Variants in AGMO observed in about 807,000 individuals in gnomAD.
AGMO encodes alkylglycerol monooxygenase, also known as glyceryl-ether monooxygenase.
Under a neutral mutation model 60.2 loss-of-function variants are expected in AGMO, and 75 were observed. That is an observed-to-expected ratio of 1.25 (90% CI 1.03 to 1.51). The LOEUF (loss-of-function observed/expected upper bound fraction) is 1.51, where lower values mean the gene tolerates loss of function less well. Ranked by LOEUF, AGMO falls within the 40% of genes most tolerant of loss-of-function variation. The pLI is 0.00. For synonymous variants in AGMO, 261 were observed against 177.1 expected (o/e 1.47, Z -3.76); for missense variants, 763 against 525.5 (o/e 1.45, Z -4.42).
chr7:15,209,191 CATAA>C (rs1396744830), intron 12 of AGMO, among the ~76,000 whole-genome samples: 4 of 152,126 alleles, frequency 2.6e-5, no homozygotes, highest in Non-Finnish European at 5.9e-5. Context: ...ATTTCTCTGA[CATAA>C]ATAAAGAGTC....
chr7:15,342,867 T>C (rs1164061902), intron 12 of AGMO, among the ~76,000 whole-genome samples: 1 of 150,414 alleles, frequency 6.6e-6, no homozygotes, highest in East Asian at 2.0e-4. Context: ...TCATTAATTC[T>C]CTGGGCCTCA....
chr7:15,380,274 C>T (rs1783623983), intron 10 of AGMO, among the ~76,000 whole-genome samples: 1 of 152,186 alleles, frequency 6.6e-6, no homozygotes, highest in Non-Finnish European at 1.5e-5. Flanking sequence ...ATGGTGTCAA[C>T]CCAAAAGCTT....
At chr7:15,292,518 G>C (rs1194466082) in intron 12 of AGMO, among the ~76,000 whole-genome samples, 2 of 152,134 alleles carry the variant, frequency 1.3e-5, no homozygotes, top group African/African-American at 4.8e-5. Context: ...CTAGTACTGT[G>C]AACATGATAG....
chr7:15,130,716 TA>T, the AGMO span, among the ~76,000 whole-genome samples: 1 of 152,154 alleles, frequency 6.6e-6, no homozygotes, highest in Non-Finnish European at 1.5e-5. Flanking sequence ...TTGTGTTTGT[TA>T]AAATATTGCT....
chr7:15,331,302 T>C (rs989910985), intron 12 of AGMO, among the ~76,000 whole-genome samples: 1 of 152,220 alleles, frequency 6.6e-6, no homozygotes, highest in African/African-American at 2.4e-5. Context: ...ATAAAAATGA[T>C]TATTACGGCT....
At chr7:15,267,305 G>A (rs1008173283) in intron 12 of AGMO, among the ~76,000 whole-genome samples, 3 of 151,834 alleles carry the variant, frequency 2.0e-5, no homozygotes, top group Non-Finnish European at 2.9e-5. Context: ...ACACTGAAAT[G>A]TTCTATACAT....
chr7:15,353,102 G>T (rs1007129557), intron 12 of AGMO, among the ~76,000 whole-genome samples: 1 of 152,096 alleles, frequency 6.6e-6, no homozygotes, highest in African/African-American at 2.4e-5. Flanking sequence ...AGGTGGGAAG[G>T]GGGCAGGGTT....
chr7:15,555,840 T>C (rs576709371), intron 2 of AGMO, among the ~76,000 whole-genome samples: 1 of 152,184 alleles, frequency 6.6e-6, no homozygotes, highest in South Asian at 2.1e-4. Flanking sequence ...ATTAGTTTTC[T>C]AATGCAAATA....
chr7:15,307,232 G>A (rs12112074), intron 12 of AGMO, among the ~76,000 whole-genome samples: 6 of 151,862 alleles, frequency 4.0e-5, no homozygotes, highest in South Asian at 2.1e-4. Context: ...ACTGTTCTGC[G>A]GCCATAAAAC....
chr7:15,369,781 A>G (rs550094387), intron 10 of AGMO, among the ~76,000 whole-genome samples: 1 of 152,262 alleles, frequency 6.6e-6, no homozygotes, highest in South Asian at 2.1e-4. Flanking sequence ...AGGGCCTAGA[A>G]TATAGAACTC....
the AGMO span, among the ~76,000 whole-genome samples, chr7:15,184,015 T>C: frequency 6.6e-6 from 1 of 152,164 alleles, no homozygotes; most frequent in Non-Finnish European, 1.5e-5. Flanking sequence ...AATAAATTGT[T>C]AAAAACAATA....
intron 3 of AGMO, among the ~76,000 whole-genome samples, chr7:15,475,426 G>T (rs190174344): frequency 1.3e-5 from 2 of 151,860 alleles, no homozygotes; most frequent in Non-Finnish European, 2.9e-5. Flanking sequence ...TCATTCTCAG[G>T]AAACTAACAC....
the AGMO span, among the ~76,000 whole-genome samples, chr7:15,165,784 T>G: frequency 2.0e-5 from 3 of 152,182 alleles, no homozygotes; most frequent in African/African-American, 7.2e-5. Flanking sequence ...ACTTTTTCTA[T>G]AAATGAGAAT....
chr7:15,204,173 C>A lies in AGMO; in HGVS notation c.1264-2814G>T, dbSNP rs1237163622. 2.0e-5 allele frequency among the ~76,000 whole-genome samples: 3 copies of A among 152,144 alleles called. No homozygotes were observed. The East Asian group carries it at 5.8e-4, about 29-fold the overall frequency. ...TGTGTTTATATATAAATATTACATA[C>A]AATGTATAGATTCAAATATATATTG... On this transcript the variant is annotated intron_variant, in intron 12 of 12. Coordinates refer to ENST00000342526, the MANE Select transcript of AGMO (RefSeq NM_001004320.2).
At chr7:15,474,441 T>C (rs1782535024) in intron 3 of AGMO, among the ~76,000 whole-genome samples, 1 of 151,678 alleles carries the variant, frequency 6.6e-6, no homozygotes, top group East Asian at 1.9e-4. Flanking sequence ...ACAAAAGCAA[T>C]GGGGAAAAGA....
chr7:15,542,651 A>G (rs926150966), intron 3 of AGMO, among the ~76,000 whole-genome samples: 1 of 152,220 alleles, frequency 6.6e-6, no homozygotes, highest in Non-Finnish European at 1.5e-5. Context: ...TGCATAGAAA[A>G]TGAGGAAGAT....
chr7:15,225,005 C>A (rs965814322), intron 12 of AGMO, among the ~76,000 whole-genome samples: 1 of 151,854 alleles, frequency 6.6e-6, no homozygotes, highest in Non-Finnish European at 1.5e-5. Flanking sequence ...TCCTAATTCA[C>A]AGGTAGAAGG....
intron 3 of AGMO, 92 bp downstream of exon 3, chr7:15,544,680 A>C: frequency 1.9e-6 from 2 of 1,053,540 alleles, no homozygotes; most frequent in Non-Finnish European, 2.6e-6. Flanking sequence ...TTATTCCTGT[A>C]TTTATCCATT....
rs75132125 is a variant in AGMO at position 15,234,774 on chromosome 7, T to C, written c.1264-33415A>G. Among the ~76,000 whole-genome samples, 1,113 of 152,304 alleles carry C rather than the reference T, an allele frequency of 7.3e-3. 7 individuals carry two copies. Among genetic ancestry groups the C allele is most frequent in the South Asian group, 0.018 (85 of 4,826 alleles). On this transcript the variant is annotated intron_variant, in intron 12 of 12. Transcript: ENST00000342526. The stretch of plus-strand genomic sequence containing the variant: ...AATAAAATTTTATGATCACTGAAAT[T>C]TGAATTTTACATCATTTCATATGTC...
Sources: gnomAD v4.1 joint callset for allele counts (sites outside exome capture counted in the v4.1 genomes callset) on GRCh38, gnomAD v4.1.1 for gene constraint, MANE v1.5 for transcripts, NCBI Gene and HGNC (gene_info 2026-07-23, HGNC 2026-07-21) for gene names.